Variants in COL21A1 observed in about 807,000 individuals in gnomAD.
The protein encoded by COL21A1 is collagen type XXI alpha 1 chain.
A neutral mutation model predicts 137.9 loss-of-function variants in COL21A1; 149 were observed. The ratio of observed to expected loss-of-function variants is 1.08; its 90% CI spans 0.95 to 1.24. The LOEUF (loss-of-function observed/expected upper bound fraction) is 1.24, where lower values mean the gene tolerates loss of function less well. Ranked by LOEUF, COL21A1 falls within the 50% of genes most tolerant of loss-of-function variation. COL21A1 has a pLI of 0.00. For synonymous variants in COL21A1, 456 were observed against 391.5 expected, an observed-to-expected ratio of 1.16 and a Z score of -1.95; for missense variants, 1,167 against 1,158.4, an observed-to-expected ratio of 1.01 and a Z score of -0.11.
At chr6:56,068,481 T>TGA (rs954627403) in intron 22 of COL21A1, among the ~76,000 whole-genome samples, 1 of 151,446 alleles carries the variant, frequency 6.6e-6, no homozygotes, top group African/African-American at 2.4e-5. Flanking sequence ...TTGACCAAAA[T>TGA]GAGAGAGAGA....
intron 1 of COL21A1, among the ~76,000 whole-genome samples, chr6:56,305,534 T>A (rs889080550): frequency 6.6e-6 from 1 of 152,220 alleles, no homozygotes; most frequent in Non-Finnish European, 1.5e-5. Flanking sequence ...AAGTCTGTTT[T>A]ATCAGAGACT....
intron 16 of COL21A1, among the ~76,000 whole-genome samples, chr6:56,122,896 T>C (rs1467034547): frequency 6.6e-6 from 1 of 152,212 alleles, no homozygotes; most frequent in Non-Finnish European, 1.5e-5. Flanking sequence ...TCAAAATATT[T>C]GCCAGAGAAC....
chr6:56,193,287 A>G (rs1171036640), intron 1 of COL21A1, among the ~76,000 whole-genome samples: 1 of 152,200 alleles, frequency 6.6e-6, no homozygotes, highest in Non-Finnish European at 1.5e-5. Flanking sequence ...TTCTGTTGAT[A>G]TATCCCAGAA....
intron 1 of COL21A1, among the ~76,000 whole-genome samples, chr6:56,371,292 C>A (rs896462498): frequency 5.9e-5 from 9 of 152,316 alleles, no homozygotes; most frequent in Admixed American, 4.6e-4. Context: ...TTAGGGACTA[C>A]ATTTGTACAC....
chr6:56,233,666 A>G (rs1582701146), intron 1 of COL21A1, among the ~76,000 whole-genome samples: 3 of 151,692 alleles, frequency 2.0e-5, no homozygotes, highest in Admixed American at 2.0e-4. Context: ...ACGGTAAAGG[A>G]AAAAATTTCA....
chr6:56,323,164 AT>A (rs1213322082), intron 1 of COL21A1, among the ~76,000 whole-genome samples: 1 of 152,190 alleles, frequency 6.6e-6, no homozygotes, highest in East Asian at 1.9e-4. Flanking sequence ...ATTTACAAGA[AT>A]AAAAACTAAA....
At chr6:56,249,035 A>C (rs1331245481), upstream of COL21A1, among the ~76,000 whole-genome samples, 1 of 152,236 alleles carries the variant, frequency 6.6e-6, no homozygotes, top group African/African-American at 2.4e-5. Context: ...CTTACAACTC[A>C]AGAGTAAAAA....
chr6:56,319,917 CAGATCAAT>C (rs1252531514), intron 1 of COL21A1, among the ~76,000 whole-genome samples: 1 of 152,080 alleles, frequency 6.6e-6, no homozygotes, highest in Non-Finnish European at 1.5e-5. Context: ...TGGCCTCATA[CAGATCAAT>C]AGTTAGACAT....
intron 12 of COL21A1, among the ~76,000 whole-genome samples, chr6:56,134,643 T>G (rs1376650333): frequency 6.6e-6 from 1 of 152,208 alleles, no homozygotes; most frequent in Non-Finnish European, 1.5e-5. Flanking sequence ...AATTGTAACT[T>G]CCATAATTCC....
At position 56,121,523 on chromosome 6, in the gene COL21A1, T is replaced by C. The variant is rs9475567; in HGVS notation, c.1758+2539A>G. Among the ~76,000 whole-genome samples, 809 of 142,232 alleles carry C rather than the reference T, an allele frequency of 5.7e-3. 8 individuals are homozygous for C. The highest frequency in any genetic ancestry group is 0.019 in the African/African-American group (723 of 38,672). The allele number at this position is 142,232 out of a possible 152,430, so 93.3% of individuals were successfully genotyped here. ...GTATATTCATATGTGTATATATATA[T>C]ACATATACATATATATGTATATTCA... On this transcript the variant is annotated intron_variant, in intron 16 of 29. Coordinates refer to ENST00000244728, the MANE Select transcript of COL21A1 (RefSeq NM_030820.4).
intron 17 of COL21A1, among the ~76,000 whole-genome samples, chr6:56,097,976 TATATATAAATATATATGTAA>T (rs1769641438): frequency 1.2e-4 from 7 of 57,532 alleles, no homozygotes; most frequent in South Asian, 5.7e-4. Context: ...AATATATAAA[TATATATAAATATATATGTAA>T]ATATATAAAT....
chr6:56,215,354 C>G (rs1262839029), intron 1 of COL21A1, among the ~76,000 whole-genome samples: 1 of 152,036 alleles, frequency 6.6e-6, no homozygotes, highest in Non-Finnish European at 1.5e-5. Context: ...GCTGTGTTCT[C>G]TTTGGACACC....
At chr6:56,276,615 G>C (rs1231205598) in intron 1 of COL21A1, 2 of 1,435,638 alleles carry the variant, frequency 1.4e-6, no homozygotes, top group Non-Finnish European at 2.0e-6. Flanking sequence ...TCTGGCAGAA[G>C]TTTATATTTC....
intron 19 of COL21A1, among the ~76,000 whole-genome samples, chr6:56,074,967 A>G (rs1391086164): frequency 8.4e-6 from 1 of 119,730 alleles, no homozygotes; most frequent in African/African-American, 2.9e-5. Flanking sequence ...ACTTCTAGCA[A>G]TAAAGTTAAA....
intron 17 of COL21A1, among the ~76,000 whole-genome samples, chr6:56,098,594 AAT>A (rs1261105535): frequency 0.012 from 44 of 3,680 alleles, 3 homozygotes; most frequent in Admixed American, 0.021. Context: ...TAAATATATA[AAT>A]ATATATATAA....
At chr6:56,147,892 CCT>C (rs1774961425) in intron 10 of COL21A1, among the ~76,000 whole-genome samples, 1 of 152,110 alleles carries the variant, frequency 6.6e-6, no homozygotes, top group South Asian at 2.1e-4. Flanking sequence ...AGTTTTCCTC[CCT>C]GTCCTCTTTT....
intron 17 of COL21A1, among the ~76,000 whole-genome samples, chr6:56,085,059 G>A (rs1351175470): frequency 1.3e-5 from 2 of 152,010 alleles, no homozygotes; most frequent in East Asian, 1.9e-4. Context: ...CTAGGAATTC[G>A]ACATTTGGCA....
intron 16 of COL21A1, among the ~76,000 whole-genome samples, chr6:56,118,385 G>T (rs562652516): frequency 7.3e-4 from 111 of 151,992 alleles, no homozygotes; most frequent in African/African-American, 2.4e-3. Flanking sequence ...AAACCAGGAA[G>T]AAATCCAAAA....
intron 1 of COL21A1, among the ~76,000 whole-genome samples, chr6:56,376,835 C>CT (rs2094000179): frequency 1.2e-5 from 1 of 84,494 alleles, no homozygotes. Flanking sequence ...GCCCACCCCC[C>CT]ACCCCCCCCA....
Sources: allele counts gnomAD v4.1 joint callset (sites outside exome capture counted in the v4.1 genomes callset), GRCh38; gene constraint gnomAD v4.1.1; transcripts MANE v1.5; gene names NCBI Gene and HGNC (gene_info 2026-07-23, HGNC 2026-07-21).